CDIN1: variants seen among roughly 807,000 people sequenced by gnomAD.
CDIN1 encodes CDAN1-interacting nuclease 1.
A neutral mutation model predicts 45.3 loss-of-function variants in CDIN1; 33 were observed. That is an observed-to-expected ratio of 0.73 (90% CI 0.55 to 0.97). The LOEUF (loss-of-function observed/expected upper bound fraction) is 0.97, where lower values mean the gene tolerates loss of function less well. Among genes scored for constraint, CDIN1 ranks in the 50% least tolerant of loss-of-function variants. The pLI is 0.00. For synonymous variants in CDIN1, 118 were observed against 124.4 expected, an observed-to-expected ratio of 0.95 and a Z score of 0.34; for missense variants, 303 against 339.4, an observed-to-expected ratio of 0.89 and a Z score of 0.84.
chr15:36,662,215 C>T (rs2041043771), intron 5 of CDIN1, among the ~76,000 whole-genome samples: 1 of 152,156 alleles, frequency 6.6e-6, no homozygotes, highest in East Asian at 1.9e-4. Context: ...TCATTTGAAA[C>T]TGAGCCATAC....
intron 3 of CDIN1, among the ~76,000 whole-genome samples, chr15:36,648,444 T>TTTG (rs1810042893): frequency 7.0e-6 from 1 of 142,326 alleles, no homozygotes; most frequent in Non-Finnish European, 1.5e-5. Context: ...TTTTTTTTTT[T>TTTG]TTTTTGAGAC....
chr15:36,601,217 A>G (rs2038084405), intron 1 of CDIN1, among the ~76,000 whole-genome samples: 1 of 152,198 alleles, frequency 6.6e-6, no homozygotes. Context: ...ACTAGGTACG[A>G]TGTGTAACTG....
At chr15:36,778,511 C>A (rs1012959474) in intron 10 of CDIN1, among the ~76,000 whole-genome samples, 2 of 152,120 alleles carry the variant, frequency 1.3e-5, no homozygotes, top group African/African-American at 4.8e-5. Flanking sequence ...TGCAATTATC[C>A]CAGAAAATAG....
chr15:36,793,385 GAAGT>G (rs138577251), intron 10 of CDIN1, among the ~76,000 whole-genome samples: 2,058 of 152,260 alleles, frequency 0.014, 34 homozygotes, highest in African/African-American at 0.042. Flanking sequence ...CACTATACTA[GAAGT>G]AAGTAGAGCC....
chr15:36,686,573 A>G (rs1461713455), intron 5 of CDIN1, among the ~76,000 whole-genome samples: 3 of 151,324 alleles, frequency 2.0e-5, no homozygotes, highest in Admixed American at 6.6e-5. Flanking sequence ...AAAAAAAAAA[A>G]AAAAGAAAAA....
Position 36,654,172 on chromosome 15 carries a change from T to TA in CDIN1, c.273+15dup. On this transcript the variant is annotated intron_variant, in intron 4 of 10. Transcript: ENST00000566621. ...CTGGCCAATGAGGTAATGTTATTGT[T>TA]ATGATTTTATTTAAACCTGCGTGTA... The TA allele has an allele frequency of 1.9e-6, 3 of 1,557,960 alleles. No homozygotes were observed. Among genetic ancestry groups the TA allele is most frequent in the Non-Finnish European group, 2.6e-6 (3 of 1,148,746 alleles).
At chr15:36,752,428 C>T (rs2053500948) in intron 10 of CDIN1, among the ~76,000 whole-genome samples, 1 of 152,136 alleles carries the variant, frequency 6.6e-6, no homozygotes, top group South Asian at 2.1e-4. Flanking sequence ...TTTGAAGTGA[C>T]TTTTAATTTG....
intron 8 of CDIN1, chr15:36,704,983 C>T (rs1487723745): frequency 6.6e-6 from 1 of 152,124 alleles, no homozygotes; most frequent in African/African-American, 2.4e-5. Flanking sequence ...GACTCAAAAT[C>T]AGCTCTTTAT....
At chr15:36,586,433 A>G (rs1441584311) in intron 1 of CDIN1, among the ~76,000 whole-genome samples, 1 of 152,160 alleles carries the variant, frequency 6.6e-6, no homozygotes, top group Non-Finnish European at 1.5e-5. Context: ...ATCCACTGCC[A>G]CCATTTTATG....
chr15:36,701,609 C>T (rs1217724625), intron 8 of CDIN1, among the ~76,000 whole-genome samples: 1 of 152,142 alleles, frequency 6.6e-6, no homozygotes, highest in Non-Finnish European at 1.5e-5. Flanking sequence ...CTGCCACAGC[C>T]ACTGTCTGGT....
intron 4 of CDIN1, among the ~76,000 whole-genome samples, chr15:36,655,667 GTTTATGCTAT>G (rs1447606002): frequency 2.6e-5 from 4 of 152,148 alleles, no homozygotes; most frequent in Non-Finnish European, 5.9e-5. Flanking sequence ...TTTGTTACAA[GTTTATGCTAT>G]TAGTAACTTG....
At chr15:36,731,341 G>T (rs565107514) in intron 10 of CDIN1, among the ~76,000 whole-genome samples, 17 of 151,970 alleles carry the variant, frequency 1.1e-4, no homozygotes, top group Non-Finnish European at 1.5e-4. Flanking sequence ...TTTTCATTTT[G>T]AATTTATTTC....
chr15:36,788,060 G>A (rs10851996), intron 10 of CDIN1, among the ~76,000 whole-genome samples: 121,815 of 136,970 alleles, frequency 0.89, 56,151 homozygotes, highest in East Asian at 1. Flanking sequence ...AGAGCAATAT[G>A]ACGATAATTT....
At chr15:36,765,663 A>G (rs918377834) in intron 10 of CDIN1, among the ~76,000 whole-genome samples, 4 of 152,184 alleles carry the variant, frequency 2.6e-5, no homozygotes, top group African/African-American at 9.7e-5. Context: ...ATTCTTAATT[A>G]TTATCCTTTT....
chr15:36,694,527 C>T (rs1483382579), intron 7 of CDIN1, among the ~76,000 whole-genome samples: 2 of 152,090 alleles, frequency 1.3e-5, no homozygotes, highest in Non-Finnish European at 1.5e-5. Context: ...TAAGACATCA[C>T]AGAAAGCACA....
Position 36,703,219 on chromosome 15 carries a change from A to AATATATATATATATATATATATATAT in CDIN1, c.544+5843_544+5844insATATATATATATATATATATATATAT, listed in dbSNP as rs71126233. Among the ~76,000 whole-genome samples, 26 of 57,372 alleles carry AATATATATATATATATATATATATAT rather than the reference A, an allele frequency of 4.5e-4. 5 individuals carry two copies. The East Asian group carries it at 5.7e-3, about 13-fold the overall frequency. 37.6% of individuals were successfully genotyped at this position (57,372 alleles called of 152,430 possible). On this transcript the variant is annotated intron_variant, in intron 8 of 10. Transcript: ENST00000566621. ...GGCAATAGAGTGAGACCCTGTCTCA[A>AATATATATATATATATATATATATAT]ATATATATATATATCAGATATATAT...
rs2055346720 is a variant in CDIN1, at chr15:36,810,006, T to G, written c.*1553T>G. The G allele has an allele frequency of 6.7e-6, 1 of 150,232 alleles. No individual in the cohort carries two copies. Among genetic ancestry groups the G allele is most frequent in the African/African-American group, 2.4e-5 (1 of 40,856 alleles). The allele number at this position is 150,232 out of a possible 1,614,324, so 9.3% of individuals were successfully genotyped here. ...ATGCAGGCTTCTGAGTGAAATAGAA[T>G]GATTTGAAACCACTACTGTATTGCC... On this transcript the variant is annotated 3_prime_UTR_variant, in exon 11 of 11. Transcript: ENST00000566621.
At chr15:36,614,128 A>G (rs2038777417) in intron 1 of CDIN1, 1 of 749,562 alleles carries the variant, frequency 1.3e-6, no homozygotes, top group Non-Finnish European at 2.4e-6. Flanking sequence ...AGATAAACTG[A>G]AATGCACCAA....
At chr15:36,624,673 A>G (rs149069296) in intron 1 of CDIN1, among the ~76,000 whole-genome samples, 5 of 152,312 alleles carry the variant, frequency 3.3e-5, no homozygotes, top group East Asian at 1.9e-4. Flanking sequence ...TTCCTTGTTA[A>G]ATTCTTAAAA....
Sources: gnomAD v4.1 joint callset for allele counts (sites outside exome capture counted in the v4.1 genomes callset) on GRCh38, gnomAD v4.1.1 for gene constraint, MANE v1.5 for transcripts, NCBI Gene and HGNC (gene_info 2026-07-23, HGNC 2026-07-21) for gene names.